KISS1: variants seen among roughly 807,000 people sequenced by gnomAD.
KISS1 encodes the protein metastasis-suppressor KiSS-1.
For synonymous variants in KISS1, 97 were observed against 88.7 expected (o/e 1.09, Z -0.52); for missense variants, 182 against 182.7 (o/e 1.00, Z 0.02).
intron 2 of KISS1, 55 bp from the exon 3 acceptor site, chr1:204,190,852 A>G: frequency 7.0e-7 from 1 of 1,432,660 alleles, no homozygotes; most frequent in Non-Finnish European, 9.7e-7. Context: ...ATGGCTTTGC[A>G]ACACCTCCTG....
chr1:204,190,657 G>A lies in KISS1; in HGVS notation c.244C>T (p.Gln82Ter). ...SPPPESSGSPQQPGLSAPHSR... is the reference protein window; with the variant it reads ...SPPPESSGSP The stretch of plus-strand genomic sequence containing the variant: ...TGGGGGGCGGACAGGCCCGGCTGCT[G>A]GGGGCTCCCGGAGCTCTCGGGGGGC... The change falls in exon 3 of 3, where the codon CAG becomes TAG. Residue 82 changes from glutamine (Q) to a stop codon, truncating the protein, a stop_gained. Coordinates refer to ENST00000367194, the MANE Select transcript of KISS1 (RefSeq NM_002256.4). LOFTEE classifies it low-confidence loss of function (END_TRUNC). 6.3e-7 allele frequency: 1 copy of A among 1,585,284 alleles called. No individual in the cohort carries two copies. Among genetic ancestry groups the A allele is most frequent in the Non-Finnish European group, 8.6e-7 (1 of 1,166,278 alleles).
Position 204,190,620 on chromosome 1 carries a change from A to C in KISS1, c.281T>G (p.Ile94Ser). 1 of 1,586,876 alleles carries C rather than the reference A, an allele frequency of 6.3e-7. No individual in the cohort carries two copies. Among genetic ancestry groups the C allele is most frequent in the Non-Finnish European group, 8.6e-7 (1 of 1,167,160 alleles). Residue 94 changes from isoleucine (I) to serine (S), a missense_variant, in exon 3 of 3, where the codon ATC (isoleucine) becomes AGC (serine). Ile to Ser is a moderately radical substitution (Grantham distance 142). Transcript: ENST00000367194. ...CAGCACCGCGCCCTGGGGTGCGGGG[A>C]TCTGGCGGCTGTGGGGGGCGGACAG... ...PGLSAPHSRQ[I>S]PAPQGAVLVQ...
At chr1:204,194,789 C>T (rs1171301721) in intron 1 of KISS1, among the ~76,000 whole-genome samples, 1 of 152,042 alleles carries the variant, frequency 6.6e-6, no homozygotes, top group Non-Finnish European at 1.5e-5. Flanking sequence ...GGTGCTAAGG[C>T]GCTGAAGCAA....
rs1658710683 is a variant in KISS1 at position 204,190,413 on chromosome 1, C to CA, written c.*70_*71insT. 3.2e-6 allele frequency: 2 copies of CA among 618,872 alleles called. No homozygotes were observed. The highest frequency in any genetic ancestry group is 3.2e-5 in the South Asian group (2 of 63,320). 38.3% of individuals were successfully genotyped at this position (618,872 alleles called of 1,614,324 possible). On this transcript the variant is annotated 3_prime_UTR_variant, in exon 3 of 3. Transcript: ENST00000367194. Reference sequence around the variant, plus strand: ...GCCCCCTCCCTTAGCCCTACGTCCCCGCCCCCCGCCCCCGCCCCGCATGCT... The same window carrying CA: ...GCCCCCTCCCTTAGCCCTACGTCCCCAGCCCCCCGCCCCCGCCCCGCATGCT...
In KISS1 at chr1:204,190,426, C is replaced by CCCCCCCCCCCT; in HGVS notation, c.*57_*58insAGGGGGGGGGG. ...GCCCTACGTCCCCGCCCCCCGCCCC[C>CCCCCCCCCCCT]GCCCCGCATGCTCTGACTCCTTTGG... On this transcript the variant is annotated 3_prime_UTR_variant, in exon 3 of 3. Coordinates refer to ENST00000367194, the MANE Select transcript of KISS1 (RefSeq NM_002256.4). 2 of 950,720 alleles carry CCCCCCCCCCCT rather than the reference C, an allele frequency of 2.1e-6. No individual in the cohort carries two copies. Among genetic ancestry groups the CCCCCCCCCCCT allele is most frequent in the Non-Finnish European group, 3.2e-6 (2 of 621,402 alleles). The allele number at this position is 950,720 out of a possible 1,614,324, so 58.9% of individuals were successfully genotyped here. A position where few individuals can be genotyped will look rare whatever the true frequency, so the allele number is the denominator to read the frequency against.
Position 204,190,412 on chromosome 1 carries a change from CCGCCCCCCG to C in KISS1, c.*63_*71del, listed in dbSNP as rs1658710648. On this transcript the variant is annotated 3_prime_UTR_variant, in exon 3 of 3. Transcript: ENST00000367194. ...CGCCCCCTCCCTTAGCCCTACGTCC[CCGCCCCCCG>C]CCCCCGCCCCGCATGCTCTGACTCC... is the stretch of plus-strand genomic sequence containing the variant. The C allele has an allele frequency of 1.7e-6, 1 of 588,068 alleles. No homozygotes were observed. Among genetic ancestry groups the C allele is most frequent in the African/African-American group, 2.4e-5 (1 of 41,874 alleles). 36.4% of individuals were successfully genotyped at this position (588,068 alleles called of 1,614,324 possible).
chr1:204,195,212 C>CACACATACACCCAT (rs1558254567), intron 1 of KISS1, among the ~76,000 whole-genome samples: 1 of 1,610 alleles, frequency 6.2e-4, no homozygotes, highest in Non-Finnish European at 1.3e-3. Flanking sequence ...CACATATATA[C>CACACATACACCCAT]GCACACACCC....
intron 1 of KISS1, among the ~76,000 whole-genome samples, chr1:204,195,185 TGC>T: frequency 2.1e-4 from 1 of 4,808 alleles, no homozygotes; most frequent in Non-Finnish European, 5.1e-4. Context: ...ACACCACACA[TGC>T]ACACACACAC....
chr1:204,195,237 G>T (rs201790618), intron 1 of KISS1, among the ~76,000 whole-genome samples: 7 of 2,388 alleles, frequency 2.9e-3, no homozygotes, highest in South Asian at 0.011. Flanking sequence ...ACATATACAC[G>T]CATACACCCA....
intron 1 of KISS1, among the ~76,000 whole-genome samples, chr1:204,193,289 G>T (rs1658777383): frequency 6.6e-6 from 1 of 152,106 alleles, no homozygotes; most frequent in South Asian, 2.1e-4. Context: ...AGAAAGGTGG[G>T]GTGAGATGCC....
intron 2 of KISS1, among the ~76,000 whole-genome samples, chr1:204,191,976 C>G (rs185418452): frequency 1.3e-5 from 2 of 152,220 alleles, no homozygotes; most frequent in African/African-American, 4.8e-5. Flanking sequence ...ACAGAAGACA[C>G]GCTTGGCAAA....
At chr1:204,196,339 AC>A (rs1306831866) in intron 1 of KISS1, 36 bp downstream of exon 1, 1 of 152,198 alleles carries the variant, frequency 6.6e-6, no homozygotes, top group Non-Finnish European at 1.5e-5. Context: ...GTCAGGGCAG[AC>A]CCCCTTCCCA....
At chr1:204,191,743 C>T (rs1057430637) in intron 2 of KISS1, among the ~76,000 whole-genome samples, 7 of 152,220 alleles carry the variant, frequency 4.6e-5, no homozygotes, top group African/African-American at 9.6e-5. Context: ...CAGTCGCCTG[C>T]GAGGTCCCTC....
At position 204,192,392 on chromosome 1, in the gene KISS1, G is replaced by GTT. The variant is rs11428399; in HGVS notation, c.103+380_103+381dup. ...ATCAAATATCTGCCCTTTGGTTTAG[G>GTT]TTTTTTTTTTTTTCCAAATTCTCCA... On this transcript the variant is annotated intron_variant, in intron 2 of 2. Coordinates refer to ENST00000367194, the MANE Select transcript of KISS1 (RefSeq NM_002256.4). This position sits in a 1 kb window ranked among gnomAD's most constrained non-coding sequence, Gnocchi z 4.2. Among the ~76,000 whole-genome samples the GTT allele has an allele frequency of 0.015, 2,169 of 146,354 alleles. 49 individuals carry two copies. The highest frequency in any genetic ancestry group is 0.045 in the African/African-American group (1,796 of 39,892).
chr1:204,192,641 T>C lies in KISS1; in HGVS notation c.103+133A>G, dbSNP rs1658764854. ...AACAGGACCCCCTCAATGAGTTGCA[T>C]GTGTGCCAGTCTTAGATTTCCACCA... On this transcript the variant is annotated intron_variant, in intron 2 of 2. Transcript: ENST00000367194. The surrounding 1 kb of genome is among the most constrained non-coding windows in gnomAD (Gnocchi z 4.2). 1.4e-6 allele frequency: 1 copy of C among 698,748 alleles called. No individual in the cohort carries two copies. The highest frequency in any genetic ancestry group is 2.0e-5 in the Admixed American group (1 of 49,034). 43.3% of individuals were successfully genotyped at this position (698,748 alleles called of 1,614,324 possible). A position where few individuals can be genotyped will look rare whatever the true frequency, so the allele number is the denominator to read the frequency against.
chr1:204,190,407 C>CGGGGGGGGGGGGGGGG lies in KISS1; in HGVS notation c.*76_*77insCCCCCCCCCCCCCCCC. 1.3e-6 allele frequency: 1 copy of CGGGGGGGGGGGGGGGG among 779,258 alleles called. No individual in the cohort carries two copies. Among genetic ancestry groups the CGGGGGGGGGGGGGGGG allele is most frequent in the Non-Finnish European group, 2.0e-6 (1 of 493,572 alleles). 48.3% of individuals were successfully genotyped at this position (779,258 alleles called of 1,614,324 possible). A position where few individuals can be genotyped will look rare whatever the true frequency, so the allele number is the denominator to read the frequency against. ...TCCAGCGCCCCCTCCCTTAGCCCTA[C>CGGGGGGGGGGGGGGGG]GTCCCCGCCCCCCGCCCCCGCCCCG... On this transcript the variant is annotated 3_prime_UTR_variant, in exon 3 of 3. Transcript: ENST00000367194.
chr1:204,191,322 A>C (rs10159082), intron 2 of KISS1, among the ~76,000 whole-genome samples: 77,222 of 150,924 alleles, frequency 0.51, 22,333 homozygotes, highest in African/African-American at 0.8. Context: ...GTGTTCCAAC[A>C]CTCGTCTTTG....
chr1:204,195,182 A>AT (rs1658815380), intron 1 of KISS1, among the ~76,000 whole-genome samples: 4 of 2,570 alleles, frequency 1.6e-3, no homozygotes, highest in Non-Finnish European at 3.7e-3. Context: ...CACACACCAC[A>AT]CATGCACACA....
intron 1 of KISS1, among the ~76,000 whole-genome samples, chr1:204,194,082 A>C (rs1194332638): frequency 6.6e-6 from 1 of 150,838 alleles, no homozygotes; most frequent in Non-Finnish European, 1.5e-5. Context: ...TTGCACCCAC[A>C]CCCCCACCCC....
Sources: allele counts gnomAD v4.1 joint callset (sites outside exome capture counted in the v4.1 genomes callset), GRCh38; gene constraint gnomAD v4.1.1; non-coding constraint Gnocchi (gnomAD v3.1); transcripts MANE v1.5; gene names NCBI Gene and HGNC (gene_info 2026-07-23, HGNC 2026-07-21).